ANK2: variants seen among roughly 807,000 people sequenced by gnomAD.
The protein encoded by ANK2 is ankyrin 2.
In ANK2, 83 loss-of-function variants were observed where a neutral mutation model predicts 360.5. That is an observed-to-expected ratio of 0.23 (90% CI 0.19 to 0.28). The LOEUF is 0.28. ANK2 is among the 10% of genes least tolerant of loss of function. The pLI is 1.00. For missense variants in ANK2, 4,201 were observed against 4,795.7 expected (o/e 0.88, Z 3.66); for synonymous variants, 1,740 against 1,759.5 (o/e 0.99, Z 0.28).
chr4:112,958,869 A>G (rs1477162273), intron 2 of ANK2, among the ~76,000 whole-genome samples: 1 of 66,754 alleles, frequency 1.5e-5, no homozygotes, highest in African/African-American at 8.7e-5. Flanking sequence ...TTTTTTGGTG[A>G]TGAAGCCTTG....
intron 1 of ANK2, among the ~76,000 whole-genome samples, chr4:113,155,722 G>A (rs1395136152): frequency 6.6e-6 from 1 of 151,990 alleles, no homozygotes; most frequent in Non-Finnish European, 1.5e-5. Flanking sequence ...TAACAAGCTT[G>A]AGAAAATTTT....
intron 2 of ANK2, among the ~76,000 whole-genome samples, chr4:112,971,390 A>G (rs114743159): frequency 0.01 from 1,599 of 152,368 alleles, 18 homozygotes; most frequent in South Asian, 0.017. Context: ...GCACTGCACT[A>G]AAAGCATACC....
chr4:112,930,851 G>A (rs376434711), intron 2 of ANK2, among the ~76,000 whole-genome samples: 103 of 150,524 alleles, frequency 6.8e-4, no homozygotes, highest in South Asian at 2.1e-3. Flanking sequence ...CCATGCCATT[G>A]CACTCCAGCC....
At chr4:113,192,924 TAAAA>T (rs373250773) in intron 2 of ANK2, among the ~76,000 whole-genome samples, 166 of 136,782 alleles carry the variant, frequency 1.2e-3, no homozygotes, top group Admixed American at 3.5e-3. Flanking sequence ...TTGCATTATT[TAAAA>T]AAAAAAAAAA....
At chr4:113,335,450 A>G (rs931954550) in intron 29 of ANK2, among the ~76,000 whole-genome samples, 1 of 152,236 alleles carries the variant, frequency 6.6e-6, no homozygotes, top group African/African-American at 2.4e-5. Flanking sequence ...GAAATTTGCA[A>G]AGAAAAGGAG....
At chr4:113,323,841 TCC>T in intron 26 of ANK2, 2 of 1,570,554 alleles carry the variant, frequency 1.3e-6, no homozygotes, top group Non-Finnish European at 1.7e-6. Flanking sequence ...CCTATTCCTC[TCC>T]CCCTTTCGCC....
At chr4:113,303,723 GA>G (rs971281941) in intron 23 of ANK2, among the ~76,000 whole-genome samples, 4 of 151,826 alleles carry the variant, frequency 2.6e-5, no homozygotes, top group African/African-American at 9.7e-5. Flanking sequence ...AAAAAAGAAA[GA>G]AAAAAAATCA....
intron 1 of ANK2, among the ~76,000 whole-genome samples, chr4:112,825,124 G>A (rs953217772): frequency 1.3e-5 from 2 of 152,112 alleles, no homozygotes; most frequent in Non-Finnish European, 2.9e-5. Context: ...TCACTCATAG[G>A]TGGGAATTGA....
chr4:112,777,458 G>A, the ANK2 span, among the ~76,000 whole-genome samples: 1 of 152,030 alleles, frequency 6.6e-6, no homozygotes, highest in Non-Finnish European at 1.5e-5. Flanking sequence ...GGCCAGGATC[G>A]TCTTGATCTC....
At chr4:113,108,035 G>T (rs575522426) in intron 1 of ANK2, among the ~76,000 whole-genome samples, 1 of 152,286 alleles carries the variant, frequency 6.6e-6, no homozygotes, top group Non-Finnish European at 1.5e-5. Context: ...CTTGAAACAC[G>T]TAAGTTGGAC....
At chr4:113,337,834 C>T (rs943006848) in intron 31 of ANK2, among the ~76,000 whole-genome samples, 2 of 151,952 alleles carry the variant, frequency 1.3e-5, no homozygotes, top group African/African-American at 2.4e-5. Flanking sequence ...CCCATAATTC[C>T]AGCCCCGTAG....
At chr4:112,721,836 GAGTA>G in the ANK2 span, among the ~76,000 whole-genome samples, 2 of 152,146 alleles carry the variant, frequency 1.3e-5, no homozygotes, top group African/African-American at 2.4e-5. Context: ...TTCATTGTTT[GAGTA>G]AGTGAGTCAC....
chr4:113,318,342 G>T (rs530745322), intron 25 of ANK2, among the ~76,000 whole-genome samples, 175 bp from the exon 26 acceptor site: 17 of 152,302 alleles, frequency 1.1e-4, no homozygotes, highest in African/African-American at 3.6e-4. Context: ...AAATAATGCA[G>T]TTTAAAAGAG....
intron 31 of ANK2, among the ~76,000 whole-genome samples, chr4:113,338,282 G>T (rs1375963171): frequency 2.0e-5 from 3 of 151,918 alleles, no homozygotes; most frequent in African/African-American, 7.2e-5. Flanking sequence ...CTAAAATTTT[G>T]TCCTTATCTA....
chr4:112,910,727 G>A (rs908132684), intron 2 of ANK2, among the ~76,000 whole-genome samples: 7 of 152,056 alleles, frequency 4.6e-5, no homozygotes, highest in Non-Finnish European at 1.0e-4. Flanking sequence ...ACTTCCAGAG[G>A]AACTAATTAT....
At chr4:113,370,064 T>C (rs1347289340) in intron 43 of ANK2, among the ~76,000 whole-genome samples, 1 of 152,086 alleles carries the variant, frequency 6.6e-6, no homozygotes, top group East Asian at 1.9e-4. Context: ...CTAAGAAAAA[T>C]GAATACGGTG....
chr4:113,288,284 A>G (rs2153731546), intron 19 of ANK2, 104 bp from the exon 20 acceptor site: 1 of 964,468 alleles, frequency 1.0e-6, no homozygotes, highest in Admixed American at 2.0e-5. Flanking sequence ...ATGGAATCCT[A>G]TAATAACTGA....
Position 113,340,650 on chromosome 4 carries a change from T to C in ANK2, c.3894-1038T>C, listed in dbSNP as rs187775484. ...AGGTCGAGGCTGCAGTGAGCCGTGA[T>C]TGCGTCACTGCACTCCAGCCTGGGC... On this transcript the variant is annotated intron_variant, in intron 32 of 45. Coordinates refer to ENST00000357077, the MANE Select transcript of ANK2 (RefSeq NM_001148.6). Among the ~76,000 whole-genome samples, 109 of 152,220 alleles carry C rather than the reference T, an allele frequency of 7.2e-4. 1 individual carries two copies. Among genetic ancestry groups the C allele is most frequent in the African/African-American group, 2.5e-3 (105 of 41,538 alleles).
the ANK2 span, among the ~76,000 whole-genome samples, chr4:112,768,336 C>A: frequency 6.6e-6 from 1 of 152,090 alleles, no homozygotes; most frequent in African/African-American, 2.4e-5. Context: ...TCACTACAAC[C>A]TCTGTCTCCT....
Sources: gnomAD v4.1 joint callset for allele counts (sites outside exome capture counted in the v4.1 genomes callset) on GRCh38, gnomAD v4.1.1 for gene constraint, MANE v1.5 for transcripts, NCBI Gene and HGNC (gene_info 2026-07-23, HGNC 2026-07-21) for gene names.